The following EXOC4 variants were observed in gnomAD, a reference collection of about 807,000 sequenced individuals.
EXOC4 encodes SEC8-like 1.
Under a neutral mutation model 107.2 loss-of-function variants are expected in EXOC4, and 71 were observed. The observed-to-expected ratio is 0.66, with a 90% confidence interval of 0.55 to 0.81. EXOC4 has a LOEUF of 0.81. EXOC4 is among the 30% of genes least tolerant of loss of function. The pLI, the probability that EXOC4 is intolerant of heterozygous loss-of-function variation, is 0.00. For missense variants in EXOC4, 1,108 were observed against 1,189.6 expected (o/e 0.93, Z 1.01); for synonymous variants, 456 against 441.2 (o/e 1.03, Z -0.42).
At chr7:133,918,015 C>T (rs1585247560) in intron 13 of EXOC4, among the ~76,000 whole-genome samples, 1 of 149,892 alleles carries the variant, frequency 6.7e-6, no homozygotes, top group African/African-American at 2.5e-5. Flanking sequence ...CAGAGTCTCA[C>T]TCTGTCTCCC....
At chr7:134,025,287 T>C (rs1245205336) in intron 17 of EXOC4, among the ~76,000 whole-genome samples, 2 of 152,198 alleles carry the variant, frequency 1.3e-5, no homozygotes, top group African/African-American at 4.8e-5. Context: ...GTCAATTATA[T>C]AACAAACTTA....
intron 1 of EXOC4, among the ~76,000 whole-genome samples, chr7:133,257,398 A>C (rs1795044812): frequency 6.6e-6 from 1 of 152,086 alleles, no homozygotes; most frequent in Non-Finnish European, 1.5e-5. Flanking sequence ...GCACACACAC[A>C]ATTTTTCTAC....
intron 10 of EXOC4, among the ~76,000 whole-genome samples, chr7:133,640,413 A>G (rs1041668090): frequency 1.7e-4 from 26 of 152,348 alleles, no homozygotes; most frequent in Middle Eastern, 3.4e-3. Context: ...GAAATGAGCA[A>G]TTATAAAATA....
At chr7:133,837,293 A>C (rs1797938311) in intron 11 of EXOC4, among the ~76,000 whole-genome samples, 1 of 152,116 alleles carries the variant, frequency 6.6e-6, no homozygotes, top group African/African-American at 2.4e-5. Flanking sequence ...TGCACAGTAC[A>C]CTTAATCTGT....
chr7:134,059,591 G>A (rs1160744711), intron 17 of EXOC4, among the ~76,000 whole-genome samples: 1 of 152,158 alleles, frequency 6.6e-6, no homozygotes. Flanking sequence ...CAACTTGGCA[G>A]CATTGTCAAG....
chr7:133,589,900 T>G (rs1244837802), intron 9 of EXOC4, among the ~76,000 whole-genome samples: 3 of 152,352 alleles, frequency 2.0e-5, no homozygotes, highest in East Asian at 3.9e-4. Flanking sequence ...GCAGGATTTT[T>G]TATTCCTTAG....
chr7:133,876,708 C>G (rs1276995787), intron 11 of EXOC4, among the ~76,000 whole-genome samples: 3 of 152,058 alleles, frequency 2.0e-5, no homozygotes, highest in Non-Finnish European at 2.9e-5. Context: ...GTACCATTTT[C>G]CCAGGGAGGG....
At chr7:133,749,952 G>A (rs1795756506) in intron 10 of EXOC4, among the ~76,000 whole-genome samples, 1 of 137,518 alleles carries the variant, frequency 7.3e-6, no homozygotes, top group Non-Finnish European at 1.5e-5. Flanking sequence ...AAGGTGGTTG[G>A]CAGTTTTTTT....
chr7:133,328,961 G>T (rs559711114), intron 5 of EXOC4, among the ~76,000 whole-genome samples: 2 of 152,192 alleles, frequency 1.3e-5, no homozygotes, highest in Admixed American at 6.5e-5. Flanking sequence ...TTGAATGTTG[G>T]CCTGTCTTGC....
At chr7:133,492,238 CCAGAACCTATTTTGGAGGTACAAT>C (rs1485300240) in intron 9 of EXOC4, among the ~76,000 whole-genome samples, 1 of 151,950 alleles carries the variant, frequency 6.6e-6, no homozygotes, top group African/African-American at 2.4e-5. Context: ...GGGAAGTGAC[CCAGAACCTATTTTGGAGGTACAAT>C]CAGTTGGACA....
chr7:133,990,523 C>T (rs539286857), intron 14 of EXOC4, among the ~76,000 whole-genome samples: 5 of 152,278 alleles, frequency 3.3e-5, no homozygotes, highest in Admixed American at 6.5e-5. Context: ...AATCTCGGCT[C>T]ACTGCAACCT....
At chr7:133,329,970 CT>C (rs763220361) in intron 5 of EXOC4, among the ~76,000 whole-genome samples, 1 of 152,178 alleles carries the variant, frequency 6.6e-6, no homozygotes, top group Non-Finnish European at 1.5e-5. Flanking sequence ...ATCTGTTGCT[CT>C]CTTCAGAGCC....
chr7:133,878,053 C>A (rs115446630), intron 11 of EXOC4, among the ~76,000 whole-genome samples: 121 of 152,262 alleles, frequency 7.9e-4, no homozygotes, highest in African/African-American at 2.7e-3. Context: ...GCTTAAGGCA[C>A]GATTTCAAGC....
At chr7:133,573,110 TG>T (rs1206810996) in intron 9 of EXOC4, among the ~76,000 whole-genome samples, 1 of 152,188 alleles carries the variant, frequency 6.6e-6, no homozygotes, top group African/African-American at 2.4e-5. Flanking sequence ...TGTATAGCAG[TG>T]GTAATACATG....
At chr7:133,703,050 A>G (rs1012368667) in intron 10 of EXOC4, among the ~76,000 whole-genome samples, 1 of 152,224 alleles carries the variant, frequency 6.6e-6, no homozygotes, top group Non-Finnish European at 1.5e-5. Flanking sequence ...ATACTGATGA[A>G]TTCTGAAGAT....
chr7:133,711,504 TAGACTC>T (rs1168783572), intron 10 of EXOC4, among the ~76,000 whole-genome samples: 1 of 152,028 alleles, frequency 6.6e-6, no homozygotes, highest in Non-Finnish European at 1.5e-5. Context: ...TTAGGGAAAA[TAGACTC>T]AGTGAGATGG....
intron 9 of EXOC4, chr7:133,484,206 C>A: frequency 6.6e-7 from 1 of 1,505,160 alleles, no homozygotes. Flanking sequence ...AATGAGATTT[C>A]TTTGGTGTTA....
chr7:133,400,256 A>G (rs981517995), intron 7 of EXOC4, among the ~76,000 whole-genome samples: 4 of 152,224 alleles, frequency 2.6e-5, no homozygotes, highest in Non-Finnish European at 5.9e-5. Context: ...CTGAAACTTC[A>G]TCTTTTCTTG....
At chr7:133,490,377 C>A (rs1367140392) in intron 9 of EXOC4, among the ~76,000 whole-genome samples, 2 of 152,146 alleles carry the variant, frequency 1.3e-5, no homozygotes, top group Non-Finnish European at 2.9e-5. Flanking sequence ...TGTATATAGA[C>A]AACTGGGATG....
Sources: gnomAD v4.1 joint callset for allele counts (sites outside exome capture counted in the v4.1 genomes callset) on GRCh38, gnomAD v4.1.1 for gene constraint, MANE v1.5 for transcripts, NCBI Gene and HGNC (gene_info 2026-07-23, HGNC 2026-07-21) for gene names.